Variants in SMYD3 observed in about 807,000 individuals in gnomAD.
SMYD3 encodes the protein histone-lysine N-methyltransferase SMYD3.
In SMYD3, 36 loss-of-function variants were observed where a neutral mutation model predicts 57.7. That is an observed-to-expected ratio of 0.62 (90% confidence interval 0.48 to 0.82). The LOEUF is 0.82. Ranked by LOEUF, SMYD3 falls within the 40% of genes least tolerant of loss-of-function variation. The pLI, the probability that SMYD3 is intolerant of heterozygous loss-of-function variation, is 0.00. For missense variants in SMYD3, 515 were observed against 538.8 expected (o/e 0.96, Z 0.44); for synonymous variants, 211 against 195.0 (o/e 1.08, Z -0.68).
intron 5 of SMYD3, among the ~76,000 whole-genome samples, chr1:246,178,168 C>A (rs1015471872): frequency 4.6e-5 from 7 of 152,102 alleles, no homozygotes; most frequent in Admixed American, 6.5e-5. Flanking sequence ...CATAGGATCG[C>A]AACTGTAAAT....
chr1:246,351,796 T>C (rs577553718), intron 2 of SMYD3, among the ~76,000 whole-genome samples: 1 of 152,304 alleles, frequency 6.6e-6, no homozygotes, highest in Admixed American at 6.5e-5. Context: ...TGATTCTATA[T>C]GGTGTTTTTA....
intron 5 of SMYD3, among the ~76,000 whole-genome samples, chr1:245,952,494 A>G (rs1485216853): frequency 1.3e-5 from 2 of 152,214 alleles, no homozygotes; most frequent in East Asian, 1.9e-4. Context: ...TCCATTGTCA[A>G]CCTAACTAGA....
At chr1:245,905,898 A>T (rs1217354292) in intron 8 of SMYD3, among the ~76,000 whole-genome samples, 1 of 152,262 alleles carries the variant, frequency 6.6e-6, no homozygotes, top group Non-Finnish European at 1.5e-5. Context: ...CATAGAAAAG[A>T]CAGTCTCTTC....
chr1:245,856,518 T>A (rs935236341), intron 10 of SMYD3, among the ~76,000 whole-genome samples: 1 of 152,208 alleles, frequency 6.6e-6, no homozygotes, highest in Admixed American at 6.5e-5. Context: ...TGTATTCTGG[T>A]GGAGGACTTG....
At chr1:246,103,765 T>A (rs564030706) in intron 5 of SMYD3, among the ~76,000 whole-genome samples, 1 of 152,334 alleles carries the variant, frequency 6.6e-6, no homozygotes, top group East Asian at 1.9e-4. Context: ...AGCCTTATAC[T>A]GTCTTGCTTC....
chr1:246,421,305 T>TA lies in SMYD3; in HGVS notation c.165-66212dup, dbSNP rs897857490. Among the ~76,000 whole-genome samples the TA allele has an allele frequency of 3.3e-4, 50 of 149,672 alleles. 1 individual carries two copies. Among genetic ancestry groups the TA allele is most frequent in the African/African-American group, 8.8e-4 (36 of 40,914 alleles). ...AATAAATAGCTTGACAAGATCCTTT[T>TA]AAAAAAAAAATAAAGTGCCATTACT... On this transcript the variant is annotated intron_variant, in intron 1 of 11. Coordinates refer to ENST00000490107, the MANE Select transcript of SMYD3 (RefSeq NM_001167740.2).
At position 246,203,982 on chromosome 1, in the gene SMYD3, G is replaced by A. The variant is rs758718339; in HGVS notation, c.531+123219C>T. Among the ~76,000 whole-genome samples the A allele has an allele frequency of 1.3e-5, 2 of 152,118 alleles. No individual in the cohort carries two copies. Among genetic ancestry groups the A allele is most frequent in the South Asian group, 2.1e-4 (1 of 4,828 alleles). ...GAGCCAGGAGAATCCTAAGTGGACC[G>A]GATGGAGAACAAGAGAGTACCAGTG... is the stretch of plus-strand genomic sequence containing the variant. On this transcript the variant is annotated intron_variant, in intron 5 of 11. Coordinates refer to ENST00000490107, the MANE Select transcript of SMYD3 (RefSeq NM_001167740.2). The surrounding 1 kb of genome is among the most constrained non-coding windows in gnomAD (Gnocchi z 4.6).
intron 5 of SMYD3, among the ~76,000 whole-genome samples, chr1:246,246,397 AGT>A (rs2063705206): frequency 6.6e-6 from 1 of 152,182 alleles, no homozygotes. Context: ...TCTACTGGAA[AGT>A]AAGTCTATTT....
chr1:246,186,526 G>A (rs571272430), intron 5 of SMYD3, among the ~76,000 whole-genome samples: 10 of 151,964 alleles, frequency 6.6e-5, no homozygotes, highest in Admixed American at 5.9e-4. Context: ...CCATGCACAA[G>A]TACTCTGAAA....
chr1:246,117,661 T>C (rs2061362384), intron 5 of SMYD3, among the ~76,000 whole-genome samples: 1 of 152,190 alleles, frequency 6.6e-6, no homozygotes, highest in African/African-American at 2.4e-5. Context: ...CACTATGTCA[T>C]GCAGGCAGCC....
intron 5 of SMYD3, among the ~76,000 whole-genome samples, chr1:245,938,732 C>G (rs1342183606): frequency 6.6e-6 from 1 of 152,150 alleles, no homozygotes; most frequent in African/African-American, 2.4e-5. Flanking sequence ...TTTGTCTTCT[C>G]TTCTGGTACC....
rs114726854 is a variant in SMYD3, at chr1:246,089,867, C to A, written c.532-159930G>T. On this transcript the variant is annotated intron_variant, in intron 5 of 11. Coordinates refer to ENST00000490107, the MANE Select transcript of SMYD3 (RefSeq NM_001167740.2). ...ATGATGCTGCATTTAAAACCTATGT[C>A]TGAAATTGGTAGTTTGCTTTTTTTT... 3.5e-3 allele frequency among the ~76,000 whole-genome samples: 505 copies of A among 144,912 alleles called. 4 individuals are homozygous for A. The highest frequency in any genetic ancestry group is 0.012 in the African/African-American group (480 of 38,930).
chr1:246,054,218 C>T (rs2060110214), intron 5 of SMYD3, among the ~76,000 whole-genome samples: 1 of 152,164 alleles, frequency 6.6e-6, no homozygotes, highest in Non-Finnish European at 1.5e-5. Flanking sequence ...CCACACTGGA[C>T]TGCCACCGAG....
At position 245,959,940 on chromosome 1, in the gene SMYD3, G is replaced by A. The variant is rs139709948; in HGVS notation, c.532-30003C>T. 4.2e-3 allele frequency among the ~76,000 whole-genome samples: 636 copies of A among 152,016 alleles called. 3 individuals carry two copies. The highest frequency in any genetic ancestry group is 0.014 in the African/African-American group (576 of 41,454). The stretch of plus-strand genomic sequence containing the variant: ...ACTGCAGGTGTGTGCCACCATGCCC[G>A]GCTAACTTTTTCCATTTTCTGTAGA... On this transcript the variant is annotated intron_variant, in intron 5 of 11. Transcript: ENST00000490107.
chr1:246,328,485 G>A (rs908418079), intron 4 of SMYD3, among the ~76,000 whole-genome samples: 4 of 152,044 alleles, frequency 2.6e-5, no homozygotes, highest in African/African-American at 9.7e-5. Context: ...AATATAACAA[G>A]AAAATTTGAA....
intron 5 of SMYD3, among the ~76,000 whole-genome samples, chr1:246,078,814 G>A (rs1038173079): frequency 1.3e-5 from 2 of 152,160 alleles, no homozygotes; most frequent in African/African-American, 4.8e-5. Context: ...ATAAGGGAGA[G>A]GGAAAAGTCA....
chr1:246,243,093 C>A (rs965358299), intron 5 of SMYD3, among the ~76,000 whole-genome samples: 2 of 152,138 alleles, frequency 1.3e-5, no homozygotes, highest in Non-Finnish European at 2.9e-5. Flanking sequence ...CAGCTCTGCA[C>A]CAAGTGGACC....
chr1:245,754,211 A>G lies in SMYD3; in HGVS notation c.1186-4547T>C, dbSNP rs1301720456. ...TGTGGTCATATATTAAATAAAATGA[A>G]TTTAAATCAAATCATAAAGTTGGAA... is the stretch of plus-strand genomic sequence containing the variant. On this transcript the variant is annotated intron_variant, in intron 11 of 11. Transcript: ENST00000490107. Among the ~76,000 whole-genome samples the G allele has an allele frequency of 2.0e-5, 3 of 152,316 alleles. No individual in the cohort carries two copies. The East Asian group carries it at 5.8e-4, about 29-fold the overall frequency.
intron 10 of SMYD3, among the ~76,000 whole-genome samples, chr1:245,805,201 C>T (rs1022582051): frequency 6.7e-5 from 10 of 149,970 alleles, no homozygotes; most frequent in Non-Finnish European, 7.4e-5. Flanking sequence ...TTAACCAGTA[C>T]GTTACTAATG....
Sources: allele counts gnomAD v4.1 joint callset (sites outside exome capture counted in the v4.1 genomes callset), GRCh38; gene constraint gnomAD v4.1.1; non-coding constraint Gnocchi (gnomAD v3.1); transcripts MANE v1.5; gene names NCBI Gene and HGNC (gene_info 2026-07-23, HGNC 2026-07-21).